HK2: variants seen among roughly 807,000 people sequenced by gnomAD.
The protein encoded by HK2 is hexokinase 2, also known as hexokinase-2.
A neutral mutation model predicts 92.9 loss-of-function variants in HK2; 42 were observed. That is an observed-to-expected ratio of 0.45 (90% CI 0.35 to 0.58). HK2 has a LOEUF of 0.58. Ranked by LOEUF, HK2 falls within the 20% of genes least tolerant of loss-of-function variation. The probability of loss-of-function intolerance (pLI) is 0.00; values close to 1 mark genes in which losing one functional copy is unlikely to be tolerated. For missense variants in HK2, 978 were observed against 1,245.1 expected (o/e 0.79, Z 3.23); for synonymous variants, 422 against 468.0 (o/e 0.90, Z 1.27).
At chr2:74,858,947 T>C (rs975113194) in intron 2 of HK2, among the ~76,000 whole-genome samples, 1 of 152,224 alleles carries the variant, frequency 6.6e-6, no homozygotes, top group South Asian at 2.1e-4. Context: ...TTGTGTGGCC[T>C]ACACAGTGTG....
In HK2 at chr2:74,867,630, C is replaced by G. The variant is rs1282645348; in HGVS notation, c.227-6C>G. 6.2e-7 allele frequency: 1 copy of G among 1,612,800 alleles called. No homozygotes were observed. On this transcript the variant is annotated splice_region_variant and splice_polypyrimidine_tract_variant and intron_variant, in intron 2 of 17. Coordinates refer to ENST00000290573, the MANE Select transcript of HK2 (RefSeq NM_000189.5). ...AAATTAATAGTGGCCCTTCCTTTCT[C>G]TGCAGAACACGGAGAGTTCCTGGCT...
intron 9 of HK2, among the ~76,000 whole-genome samples, chr2:74,879,786 AAG>A (rs1689336530): frequency 6.6e-6 from 1 of 152,214 alleles, no homozygotes; most frequent in Non-Finnish European, 1.5e-5. Context: ...AAACTGGCAA[AAG>A]AGAGGCTAAA....
At chr2:74,873,430 T>G in intron 5 of HK2, 59 bp downstream of exon 5, 1 of 1,104,102 alleles carries the variant, frequency 9.1e-7, no homozygotes, top group Non-Finnish European at 1.4e-6. Flanking sequence ...CCCTGAAGAC[T>G]CCCTGAGTGT....
chr2:74,882,771 C>T (rs1689435405), intron 12 of HK2, among the ~76,000 whole-genome samples: 1 of 151,692 alleles, frequency 6.6e-6, no homozygotes, highest in African/African-American at 2.4e-5. Context: ...TGCTGGGTGT[C>T]TTGCTCCAGG....
intron 1 of HK2, among the ~76,000 whole-genome samples, chr2:74,849,657 A>G (rs1290974756): frequency 6.6e-6 from 1 of 152,238 alleles, no homozygotes; most frequent in African/African-American, 2.4e-5. Context: ...GATTGCCTGA[A>G]GGTGACCCTG....
At chr2:74,888,093 A>G (rs1425876371) in intron 16 of HK2, 35 bp downstream of exon 16, 5 of 1,610,554 alleles carry the variant, frequency 3.1e-6, no homozygotes, top group Non-Finnish European at 4.2e-6. Flanking sequence ...CAGGGGGGCC[A>G]TGTCCTTTTT....
intron 1 of HK2, among the ~76,000 whole-genome samples, chr2:74,841,353 G>A (rs1197448159): frequency 6.6e-6 from 1 of 151,768 alleles, no homozygotes; most frequent in Admixed American, 6.6e-5. Flanking sequence ...GGCTAGGAAT[G>A]TTGCTGAATA....
intron 10 of HK2, among the ~76,000 whole-genome samples, chr2:74,880,889 G>T (rs149269036): frequency 1.3e-5 from 2 of 152,188 alleles, no homozygotes; most frequent in South Asian, 2.1e-4. Context: ...AAACTGAGGC[G>T]CAGAGAAGTT....
At chr2:74,839,893 C>G (rs968688166) in intron 1 of HK2, among the ~76,000 whole-genome samples, 14 of 150,464 alleles carry the variant, frequency 9.3e-5, no homozygotes, top group African/African-American at 3.2e-4. Context: ...ACCTCGTGAT[C>G]TGCCCACTTT....
At chr2:74,857,653 A>T (rs1385019486) in intron 2 of HK2, among the ~76,000 whole-genome samples, 1 of 152,140 alleles carries the variant, frequency 6.6e-6, no homozygotes, top group African/African-American at 2.4e-5. Context: ...CTCAAAAAAC[A>T]AACAAAAATA....
intron 1 of HK2, among the ~76,000 whole-genome samples, chr2:74,835,927 T>C (rs1367281997): frequency 6.6e-6 from 1 of 152,178 alleles, no homozygotes; most frequent in Non-Finnish European, 1.5e-5. Context: ...GGAGGCATAT[T>C]AATGTAGTGA....
chr2:74,883,141 C>G (rs2103998872), intron 12 of HK2, among the ~76,000 whole-genome samples: 1 of 152,222 alleles, frequency 6.6e-6, no homozygotes, highest in Non-Finnish European at 1.5e-5. Context: ...AGTTGTGTCT[C>G]TGTCTCAGTC....
rs1372987307 is a variant in HK2, at chr2:74,874,251, C to T, written c.692-15C>T. 8.7e-6 allele frequency: 14 copies of T among 1,613,988 alleles called. No individual in the cohort carries two copies. The highest frequency in any genetic ancestry group is 1.3e-5 in the African/African-American group (1 of 74,910). The stretch of plus-strand genomic sequence containing the variant: ...CCGGAGCAGGCGTGTGCATAGCCGT[C>T]CCTTGTTTTGGCAGGCACGGGCAGC... On this transcript the variant is annotated splice_polypyrimidine_tract_variant and intron_variant, in intron 6 of 17. Coordinates refer to ENST00000290573, the MANE Select transcript of HK2 (RefSeq NM_000189.5).
At chr2:74,838,704 A>AT (rs1235933844) in intron 1 of HK2, among the ~76,000 whole-genome samples, 3 of 151,664 alleles carry the variant, frequency 2.0e-5, no homozygotes, top group African/African-American at 4.8e-5. Context: ...ATGCCCGGGT[A>AT]TTTTTTTGTA....
chr2:74,839,288 C>T (rs1449110901), intron 1 of HK2, among the ~76,000 whole-genome samples: 1 of 152,132 alleles, frequency 6.6e-6, no homozygotes, highest in East Asian at 1.9e-4. Flanking sequence ...GGAGTTAGAG[C>T]CTCAAGGAAC....
At position 74,874,399 on chromosome 2, in the gene HK2, T is replaced by G; in HGVS notation, c.825T>G (p.Thr275=). 1.2e-6 allele frequency: 2 copies of G among 1,612,808 alleles called. No homozygotes were observed. The highest frequency in any genetic ancestry group is 1.7e-6 in the Non-Finnish European group (2 of 1,179,282). The part of the protein sequence containing the change: ...GDDGSLNDIR[T]EFDQEIDMGS... ...ATGGCTCGCTCAACGACATTCGCAC[T>G]GAGTTTGACCAGGAGATTGACATGG... The change falls in exon 7 of 18, where the codon ACT becomes ACG. Residue 275 remains threonine (T), a synonymous_variant. Coordinates refer to ENST00000290573, the MANE Select transcript of HK2 (RefSeq NM_000189.5).
At position 74,834,607 on chromosome 2, in the gene HK2, C is replaced by T. The variant is rs368236146; in HGVS notation, c.27C>T (p.Tyr9=). The T allele has an allele frequency of 6.9e-5, 112 of 1,613,834 alleles. 1 individual carries two copies. The highest frequency in any genetic ancestry group is 9.2e-5 in the Non-Finnish European group (109 of 1,179,862). ...TGATTGCCTCGCATCTGCTTGCCTA[C>T]TTCTTCACGGAGCTCAACCATGACC... MIASHLLA[Y]FFTELNHDQV... Residue 9 remains tyrosine, a synonymous_variant, in exon 1 of 18, where the codon TAC becomes TAT. Coordinates refer to ENST00000290573, the MANE Select transcript of HK2 (RefSeq NM_000189.5). The surrounding 1 kb of genome is among the most constrained non-coding windows in gnomAD (Gnocchi z 4.2).
At chr2:74,851,389 A>G (rs1688563729) in intron 1 of HK2, among the ~76,000 whole-genome samples, 1 of 152,228 alleles carries the variant, frequency 6.6e-6, no homozygotes, top group Non-Finnish European at 1.5e-5. Flanking sequence ...ATGGTTATCT[A>G]TGGGGCAAAA....
chr2:74,842,837 T>G (rs1180834225), intron 1 of HK2, among the ~76,000 whole-genome samples: 1 of 152,246 alleles, frequency 6.6e-6, no homozygotes, highest in Non-Finnish European at 1.5e-5. Context: ...CACTTCAGGT[T>G]GAAGCATCCT....
Sources: gnomAD v4.1 joint callset for allele counts (sites outside exome capture counted in the v4.1 genomes callset) on GRCh38, gnomAD v4.1.1 for gene constraint, Gnocchi (gnomAD v3.1) non-coding constraint, MANE v1.5 for transcripts, NCBI Gene and HGNC (gene_info 2026-07-23, HGNC 2026-07-21) for gene names.